HTT: variants seen among roughly 807,000 people sequenced by gnomAD.
HTT encodes huntington disease protein.
In HTT, 104 loss-of-function variants were observed where a neutral mutation model predicts 362.3. The observed-to-expected ratio is 0.29, with a 90% CI of 0.24 to 0.34. The LOEUF is 0.34. HTT is among the 10% of genes least tolerant of loss of function. HTT has a pLI of 1.00. For synonymous variants in HTT, 1,577 were observed against 1,548.7 expected (o/e 1.02, Z -0.43); for missense variants, 3,301 against 3,928.6 (o/e 0.84, Z 4.27).
intron 54 of HTT, among the ~76,000 whole-genome samples, 196 bp downstream of exon 54, chr4:3,222,683 C>CTA (rs1216904935): frequency 6.6e-6 from 1 of 152,182 alleles, no homozygotes; most frequent in Non-Finnish European, 1.5e-5. Flanking sequence ...GCTGCGATTA[C>CTA]CAATGGCTGG....
intron 35 of HTT, among the ~76,000 whole-genome samples, chr4:3,179,649 C>G (rs540767144): frequency 7.6e-6 from 1 of 131,866 alleles, no homozygotes; most frequent in Non-Finnish European, 1.6e-5. Context: ...TGTGTGTGTG[C>G]TTGTGTGTGC....
chr4:3,233,686 C>A (rs1721372447), intron 61 of HTT, among the ~76,000 whole-genome samples: 1 of 152,258 alleles, frequency 6.6e-6, no homozygotes, highest in African/African-American at 2.4e-5. Flanking sequence ...ATTACCCAGG[C>A]TAGCCTCCTC....
intron 2 of HTT, among the ~76,000 whole-genome samples, chr4:3,096,960 A>C (rs1487319450): frequency 6.6e-6 from 1 of 152,098 alleles, no homozygotes; most frequent in Non-Finnish European, 1.5e-5. Flanking sequence ...ATCTACAAAA[A>C]ACAAAAAAAT....
Position 3,214,154 on chromosome 4 carries a change from A to G in HTT, c.6952+19A>G, listed in dbSNP as rs753279525. 1 of 1,462,412 alleles carries G rather than the reference A, an allele frequency of 6.8e-7. No homozygotes were observed. Among genetic ancestry groups the G allele is most frequent in the Admixed American group, 2.2e-5 (1 of 45,140 alleles). 90.6% of individuals were successfully genotyped at this position (1,462,412 alleles called of 1,614,324 possible). On this transcript the variant is annotated intron_variant, in intron 50 of 66. Transcript: ENST00000355072. ...GAGGCCGGTGAGTCCCCGTCCATGAACGGTGGGTTCCTATCATAGTTCCTG... is the reference window on the plus strand; with the variant it reads ...GAGGCCGGTGAGTCCCCGTCCATGAGCGGTGGGTTCCTATCATAGTTCCTG...
At position 3,129,932 on chromosome 4, in the gene HTT, C is replaced by T. The variant is rs368866386; in HGVS notation, c.1752C>T (p.Asp584=). The T allele has an allele frequency of 3.8e-5, 61 of 1,613,856 alleles. No homozygotes were observed. In the African/African-American group the frequency reaches 3.9e-4, roughly 10 times the overall value. ...CCCCTTGAACCGTTTAGGTGTTAGA[C>T]GGTACCGACAACCAGTATTTGGGCC... is the stretch of plus-strand genomic sequence containing the variant. ...TPSDSSEIVL[D]GTDNQYLGLQ... Residue 584 remains aspartate (D), a synonymous_variant, in exon 13 of 67, where the codon GAC becomes GAT. Transcript: ENST00000355072.
chr4:3,125,505 TA>T, intron 10 of HTT, 43 bp from the exon 11 acceptor site: 1 of 1,366,014 alleles, frequency 7.3e-7, no homozygotes, highest in Non-Finnish European at 1.0e-6. Flanking sequence ...TTGAAGTCCT[TA>T]TTTTTAGCAA....
intron 23 of HTT, among the ~76,000 whole-genome samples, chr4:3,143,697 G>A (rs1173425946): frequency 3.3e-5 from 5 of 150,798 alleles, no homozygotes; most frequent in African/African-American, 4.9e-5. Flanking sequence ...TCCACCTCCC[G>A]GGTTCAAGCA....
chr4:3,240,096 G>C lies in HTT; in HGVS notation c.*37G>C. ...GGAGAGACTGTGAGGCGGCAGCTGGGGCCGGAGCCTTTGGAAGTCTGCGCC... is the reference window on the plus strand; with the variant it reads ...GGAGAGACTGTGAGGCGGCAGCTGGCGCCGGAGCCTTTGGAAGTCTGCGCC... On this transcript the variant is annotated 3_prime_UTR_variant, in exon 67 of 67. Coordinates refer to ENST00000355072, the MANE Select transcript of HTT (RefSeq NM_001388492.1). 6.6e-7 allele frequency: 1 copy of C among 1,524,726 alleles called. No homozygotes were observed. Among genetic ancestry groups the C allele is most frequent in the Non-Finnish European group, 8.9e-7 (1 of 1,121,962 alleles). The allele number at this position is 1,524,726 out of a possible 1,614,324, so 94.4% of individuals were successfully genotyped here. A position where few individuals can be genotyped will look rare whatever the true frequency, so the allele number is the denominator to read the frequency against.
At chr4:3,150,774 C>G (rs1241837913) in intron 26 of HTT, among the ~76,000 whole-genome samples, 1 of 152,200 alleles carries the variant, frequency 6.6e-6, no homozygotes, top group Admixed American at 6.5e-5. Context: ...TGGTGGCTCA[C>G]GCCTGTAATT....
At chr4:3,198,880 G>A (rs1394504292) in intron 40 of HTT, among the ~76,000 whole-genome samples, 3 of 152,234 alleles carry the variant, frequency 2.0e-5, no homozygotes, top group Admixed American at 1.3e-4. Flanking sequence ...AGGCCACTTG[G>A]CTGTCAGGTG....
At chr4:3,237,756 C>A (rs1560608632) in intron 64 of HTT, among the ~76,000 whole-genome samples, 2 of 152,260 alleles carry the variant, frequency 1.3e-5, no homozygotes, top group Non-Finnish European at 2.9e-5. Flanking sequence ...TTACACACGG[C>A]TGGCATGTGT....
intron 54 of HTT, 104 bp from the exon 55 acceptor site, chr4:3,223,302 G>A (rs1467776035): frequency 2.6e-6 from 3 of 1,158,544 alleles, no homozygotes; most frequent in African/African-American, 1.6e-5. Flanking sequence ...TAGCACTTAA[G>A]GCTCCTCTTC....
At chr4:3,220,084 G>A in intron 52 of HTT, 98 bp from the exon 53 acceptor site, 1 of 1,354,766 alleles carries the variant, frequency 7.4e-7, no homozygotes, top group Non-Finnish European at 1.0e-6. Flanking sequence ...GGGTAGTGAG[G>A]AGGGAGCCCA....
chr4:3,092,909 G>A (rs1312491012), intron 2 of HTT, among the ~76,000 whole-genome samples: 2 of 152,208 alleles, frequency 1.3e-5, no homozygotes, highest in Non-Finnish European at 2.9e-5. Context: ...TGAATGTGGA[G>A]AGCCCTACAA....
intron 2 of HTT, among the ~76,000 whole-genome samples, chr4:3,091,995 A>G (rs1320739924): frequency 6.6e-6 from 1 of 152,146 alleles, no homozygotes; most frequent in Non-Finnish European, 1.5e-5. Context: ...GCCTACCACT[A>G]AAAGGGGATT....
At chr4:3,083,531 ACACACACAC>A (rs1713029491) in intron 1 of HTT, among the ~76,000 whole-genome samples, 1 of 10,166 alleles carries the variant, frequency 9.8e-5, no homozygotes, top group Non-Finnish European at 1.7e-4. Flanking sequence ...CTCTAAATAT[ACACACACAC>A]ACACACACAC....
In HTT at chr4:3,223,644, A is replaced by G. The variant is rs82334; in HGVS notation, c.7625+84A>G. 10 of 1,250,264 alleles carry G rather than the reference A, an allele frequency of 8.0e-6. No homozygotes were observed. The East Asian group carries it at 1.4e-4, about 18-fold the overall frequency. 77.4% of individuals were successfully genotyped at this position (1,250,264 alleles called of 1,614,324 possible). On this transcript the variant is annotated intron_variant, in intron 55 of 66. Transcript: ENST00000355072. ...CCCGCTGAAGCGTCCAGCAGCTTCA[A>G]CCAGGCCGTTTTCCTTCATTGCTAG...
chr4:3,205,322 C>A (rs1719807084), intron 42 of HTT, among the ~76,000 whole-genome samples: 1 of 152,112 alleles, frequency 6.6e-6, no homozygotes, highest in African/African-American at 2.4e-5. Flanking sequence ...ACTACTGTCA[C>A]ATAGCAAAAC....
chr4:3,233,069 G>A lies in HTT; in HGVS notation c.8266-94G>A, dbSNP rs930503481. 9 of 1,019,606 alleles carry A rather than the reference G, an allele frequency of 8.8e-6. No homozygotes were observed. The African/African-American group carries it at 1.4e-4, about 16-fold the overall frequency. 63.2% of individuals were successfully genotyped at this position (1,019,606 alleles called of 1,614,324 possible). On this transcript the variant is annotated intron_variant, in intron 60 of 66. Coordinates refer to ENST00000355072, the MANE Select transcript of HTT (RefSeq NM_001388492.1). The stretch of plus-strand genomic sequence containing the variant: ...GCTGTGTAGTCTCTTCTGCACACAA[G>A]CGTGAGGGCAGCGCCCCCGCCTCGG...
Sources: gnomAD v4.1 joint callset for allele counts (sites outside exome capture counted in the v4.1 genomes callset) on GRCh38, gnomAD v4.1.1 for gene constraint, MANE v1.5 for transcripts, NCBI Gene and HGNC (gene_info 2026-07-23, HGNC 2026-07-21) for gene names.